ELMO1: variants seen among roughly 807,000 people sequenced by gnomAD.
ELMO1 encodes engulfment and cell motility protein 1.
ELMO1 carries 26 observed loss-of-function variants against 98.9 expected under a neutral mutation model. The observed-to-expected ratio is 0.26, with a 90% CI of 0.19 to 0.36. ELMO1 has a LOEUF of 0.36. Ranked by LOEUF, ELMO1 falls within the 10% of genes least tolerant of loss-of-function variation. The pLI, the probability that ELMO1 is intolerant of heterozygous loss-of-function variation, is 1.00. For synonymous variants in ELMO1, 346 were observed against 346.0 expected (o/e 1.00, Z 0.00); for missense variants, 627 against 935.2 (o/e 0.67, Z 4.30).
intron 16 of ELMO1, among the ~76,000 whole-genome samples, chr7:36,973,782 C>A (rs1411373114): frequency 6.6e-6 from 1 of 152,214 alleles, no homozygotes; most frequent in Non-Finnish European, 1.5e-5. Flanking sequence ...GCGCGCGGCG[C>A]TTGCGAGCCA....
intron 6 of ELMO1, among the ~76,000 whole-genome samples, chr7:37,244,606 T>C (rs1415083022): frequency 1.3e-5 from 2 of 152,218 alleles, no homozygotes; most frequent in African/African-American, 4.8e-5. Flanking sequence ...AGCATTAAAC[T>C]ACTGTCATTA....
intron 13 of ELMO1, among the ~76,000 whole-genome samples, chr7:37,192,938 TA>T (rs1791703196): frequency 6.9e-6 from 1 of 143,988 alleles, no homozygotes; most frequent in East Asian, 2.0e-4. Flanking sequence ...AATTTATATA[TA>T]GATACATATA....
chr7:37,229,182 G>A (rs79359421), intron 8 of ELMO1, among the ~76,000 whole-genome samples: 2,106 of 152,242 alleles, frequency 0.014, 19 homozygotes, highest in Middle Eastern at 0.024. Context: ...AGGTTCTCCT[G>A]CACAGCTAGG....
At position 37,254,987 on chromosome 7, in the gene ELMO1, AAGGCCACAGCACTG is replaced by A. The variant is rs1388300510; in HGVS notation, c.413+4180_413+4193del. On this transcript the variant is annotated intron_variant, in intron 6 of 21. Coordinates refer to ENST00000310758, the MANE Select transcript of ELMO1 (RefSeq NM_014800.11). ...TGCAGGTGGAGATGTGTCATAAAGT[AAGGCCACAGCACTG>A]AGAAAAAGTAAGAATGTTGACAAGG... Among the ~76,000 whole-genome samples, 13 of 152,328 alleles carry A rather than the reference AAGGCCACAGCACTG, an allele frequency of 8.5e-5. No homozygotes were observed. The East Asian group carries it at 2.5e-3, about 29-fold the overall frequency.
intron 15 of ELMO1, among the ~76,000 whole-genome samples, chr7:37,054,187 A>T (rs890631903): frequency 6.6e-6 from 1 of 152,240 alleles, no homozygotes; most frequent in East Asian, 1.9e-4. Context: ...TATTTTTGGT[A>T]GAAATTAAAT....
chr7:37,204,264 G>A (rs1200863811), intron 13 of ELMO1: 2 of 454,428 alleles, frequency 4.4e-6, no homozygotes, highest in Non-Finnish European at 8.8e-6. Context: ...CTTAAAGATG[G>A]TGTGTCCAGA....
chr7:37,199,273 T>C (rs1219779301), intron 13 of ELMO1, among the ~76,000 whole-genome samples: 3 of 152,210 alleles, frequency 2.0e-5, no homozygotes, highest in East Asian at 1.9e-4. Context: ...TAATGAATCA[T>C]AGGTCATTTG....
intron 13 of ELMO1, among the ~76,000 whole-genome samples, chr7:37,206,318 C>T (rs111479140): frequency 4.6e-5 from 7 of 152,220 alleles, no homozygotes; most frequent in African/African-American, 1.7e-4. Flanking sequence ...ATGTCAAGTA[C>T]CTTGCCCAAG....
intron 1 of ELMO1, among the ~76,000 whole-genome samples, chr7:37,361,130 G>A (rs1008335308): frequency 2.0e-5 from 3 of 152,130 alleles, no homozygotes; most frequent in Admixed American, 2.0e-4. Context: ...TTTATCATAT[G>A]ACACAGCAAT....
intron 15 of ELMO1, among the ~76,000 whole-genome samples, chr7:37,026,811 T>C (rs1218264201): frequency 3.3e-5 from 5 of 152,152 alleles, no homozygotes; most frequent in East Asian, 1.9e-4. Context: ...TCCTTCTATT[T>C]GGATTCCCAC....
chr7:37,374,921 G>A (rs1468890356), intron 1 of ELMO1, among the ~76,000 whole-genome samples: 7 of 151,864 alleles, frequency 4.6e-5, no homozygotes, highest in Non-Finnish European at 1.0e-4. Context: ...TTAGCCGGGC[G>A]TGGTGATGCA....
At chr7:37,008,042 T>G (rs1184852825) in intron 16 of ELMO1, among the ~76,000 whole-genome samples, 1 of 152,242 alleles carries the variant, frequency 6.6e-6, no homozygotes, top group Non-Finnish European at 1.5e-5. Flanking sequence ...TAGATAAAGT[T>G]TCAAGATAGT....
At chr7:37,219,495 A>C (rs1281442765) in intron 10 of ELMO1, among the ~76,000 whole-genome samples, 1 of 152,242 alleles carries the variant, frequency 6.6e-6, no homozygotes, top group Non-Finnish European at 1.5e-5. Flanking sequence ...ATACAACAAA[A>C]AACAAACAAA....
At chr7:37,430,779 A>G (rs1804901426) in intron 1 of ELMO1, among the ~76,000 whole-genome samples, 1 of 152,204 alleles carries the variant, frequency 6.6e-6, no homozygotes, top group Admixed American at 6.5e-5. Context: ...TATCTTGACA[A>G]CCACACACTG....
chr7:37,406,217 T>G (rs4565373), intron 1 of ELMO1, among the ~76,000 whole-genome samples: 76,234 of 151,278 alleles, frequency 0.5, 19,881 homozygotes, highest in East Asian at 0.75. Flanking sequence ...ATGGTACAAG[T>G]GAAAAATCTG....
At chr7:36,966,285 A>T (rs1260294475) in intron 16 of ELMO1, among the ~76,000 whole-genome samples, 1 of 152,214 alleles carries the variant, frequency 6.6e-6, no homozygotes, top group African/African-American at 2.4e-5. Flanking sequence ...CCTTGGCCGT[A>T]TTCCCATTTG....
chr7:37,197,484 A>G (rs184783472), intron 13 of ELMO1, among the ~76,000 whole-genome samples: 1 of 152,130 alleles, frequency 6.6e-6, no homozygotes, highest in African/African-American at 2.4e-5. Flanking sequence ...GTCACATCAC[A>G]CTGAATTCAG....
chr7:37,086,895 G>A (rs1040957271), intron 15 of ELMO1, among the ~76,000 whole-genome samples: 4 of 145,292 alleles, frequency 2.8e-5, no homozygotes, highest in Admixed American at 6.8e-5. Context: ...TGATACTTTG[G>A]AATGTGATAT....
chr7:37,343,262 G>A (rs1350638002), intron 1 of ELMO1: 1 of 152,296 alleles, frequency 6.6e-6, no homozygotes, highest in Non-Finnish European at 1.5e-5. Flanking sequence ...CATGAAGAAG[G>A]AGAAACACCC....
Sources: allele counts gnomAD v4.1 joint callset (sites outside exome capture counted in the v4.1 genomes callset), GRCh38; gene constraint gnomAD v4.1.1; transcripts MANE v1.5; gene names NCBI Gene and HGNC (gene_info 2026-07-23, HGNC 2026-07-21).